TPPP: variants seen among roughly 807,000 people sequenced by gnomAD.
TPPP encodes the protein tubulin polymerization promoting protein.
Under a neutral mutation model 15.5 loss-of-function variants are expected in TPPP, and 6 were observed. The observed-to-expected ratio is 0.39, with a 90% CI of 0.21 to 0.77. TPPP has a LOEUF of 0.77. Among genes scored for constraint, TPPP ranks in the 30% least tolerant of loss-of-function variants. The pLI is 0.42. For synonymous variants in TPPP, 146 were observed against 133.9 expected (o/e 1.09, Z -0.63); for missense variants, 269 against 307.2 (o/e 0.88, Z 0.93).
rs746458248 is a variant in TPPP, at chr5:665,285, C to T, written c.477G>A (p.Ser159=). The change falls in exon 4 of 4, where the codon TCG becomes TCA. Residue 159 remains serine (S), a synonymous_variant. Transcript: ENST00000360578. ...CCGTGAGCCTCGACACTGTGGGCGA[C>T]GAGATGGCTTTCTGCAAGAGGAGCA... ...PIISGVTKAI[S]SPTVSRLTDT... 15 of 1,612,724 alleles carry T rather than the reference C, an allele frequency of 9.3e-6. No individual in the cohort carries two copies. Among genetic ancestry groups the T allele is most frequent in the South Asian group, 3.3e-5 (3 of 91,006 alleles).
At chr5:683,868 C>T (rs1421487909) in intron 1 of TPPP, among the ~76,000 whole-genome samples, 5 of 152,256 alleles carry the variant, frequency 3.3e-5, no homozygotes, top group South Asian at 2.1e-4. Flanking sequence ...GATTCCCCTG[C>T]GGATACCCCG....
rs1170914193 is a variant in TPPP at position 662,726 on chromosome 5, AG to A, written c.*2375del. On this transcript the variant is annotated 3_prime_UTR_variant, in exon 4 of 4. Transcript: ENST00000360578. ...AGGAGGGCAGGAGTCCGAGGGTGTA[AG>A]GGTGCCAGGGCCTTCCGGGTCTCAG... 1 of 152,554 alleles carries A rather than the reference AG, an allele frequency of 6.6e-6. No homozygotes were observed. The highest frequency in any genetic ancestry group is 1.5e-5 in the Non-Finnish European group (1 of 68,166). The allele number at this position is 152,554 out of a possible 1,614,324, so 9.5% of individuals were successfully genotyped here.
intron 3 of TPPP, 51 bp downstream of exon 3, chr5:665,919 G>GCC (rs773706891): frequency 1.5e-5 from 5 of 344,040 alleles, no homozygotes; most frequent in Non-Finnish European, 2.0e-5. Context: ...CACCTTCCAG[G>GCC]CCCCGCCCCC....
intron 3 of TPPP, among the ~76,000 whole-genome samples, 187 bp downstream of exon 3, chr5:665,783 C>G (rs866612327): frequency 8.7e-5 from 13 of 150,082 alleles, no homozygotes; most frequent in African/African-American, 3.0e-4. Context: ...CATTCATGCC[C>G]CTTCTGACCA....
chr5:669,077 G>C (rs944587330), intron 2 of TPPP, among the ~76,000 whole-genome samples: 3 of 152,190 alleles, frequency 2.0e-5, no homozygotes, highest in Admixed American at 2.0e-4. Flanking sequence ...CCAAGTGCTC[G>C]GGGTCCCACA....
intron 2 of TPPP, among the ~76,000 whole-genome samples, chr5:675,462 ACAG>A (rs1489853126): frequency 0.28 from 9,852 of 35,152 alleles, 779 homozygotes; most frequent in Middle Eastern, 0.44. Context: ...GGGGTGCAGC[ACAG>A]GGGGTGCAGT....
chr5:683,235 G>A (rs929431970), intron 1 of TPPP, among the ~76,000 whole-genome samples: 27 of 152,106 alleles, frequency 1.8e-4, no homozygotes, highest in African/African-American at 6.5e-4. Context: ...CATCTCCCTC[G>A]CACCCGATGG....
chr5:669,476 C>T (rs1475866146), intron 2 of TPPP, among the ~76,000 whole-genome samples: 1 of 152,148 alleles, frequency 6.6e-6, no homozygotes, highest in Non-Finnish European at 1.5e-5. Context: ...TGTTGACTCT[C>T]TGGGGCCCTT....
At chr5:669,875 C>G (rs978453820) in intron 2 of TPPP, among the ~76,000 whole-genome samples, 15 of 152,178 alleles carry the variant, frequency 9.9e-5, no homozygotes, top group Admixed American at 1.3e-4. Context: ...GACACTCAGT[C>G]TGGCTGCCCG....
intron 2 of TPPP, among the ~76,000 whole-genome samples, chr5:668,175 A>C (rs1376707001): frequency 8.0e-6 from 1 of 124,374 alleles, no homozygotes; most frequent in African/African-American, 3.0e-5. Flanking sequence ...GCACACGGAG[A>C]GGGGTCCGCG....
intron 1 of TPPP, among the ~76,000 whole-genome samples, chr5:685,135 A>G (rs905356945): frequency 6.6e-5 from 10 of 152,240 alleles, no homozygotes; most frequent in African/African-American, 2.4e-4. Flanking sequence ...TCACTGGTCC[A>G]GAGGTCATCA....
rs1253368904 is a variant in TPPP at position 664,877 on chromosome 5, A to T, written c.*225T>A. 1.7e-6 allele frequency: 1 copy of T among 575,552 alleles called. No homozygotes were observed. The allele number at this position is 575,552 out of a possible 1,614,324, so 35.7% of individuals were successfully genotyped here. A position where few individuals can be genotyped will look rare whatever the true frequency, so the allele number is the denominator to read the frequency against. ...TGGCTGAGGACGAGGCAGGTGTATT[A>T]GGAGGGTCAGCGAACTGGGGCCCAA... is the stretch of plus-strand genomic sequence containing the variant. On this transcript the variant is annotated 3_prime_UTR_variant, in exon 4 of 4. Coordinates refer to ENST00000360578, the MANE Select transcript of TPPP (RefSeq NM_007030.3).
Position 664,943 on chromosome 5 carries a change from G to T in TPPP, c.*159C>A, listed in dbSNP as rs1040137467. On this transcript the variant is annotated 3_prime_UTR_variant, in exon 4 of 4. Transcript: ENST00000360578. ...GGAGTGCTGGGGGCATCCGGTAGGA[G>T]GAGGGGCAGGAGGGAGGCCTGGGCC... The T allele has an allele frequency of 1.3e-5, 10 of 768,138 alleles. No individual in the cohort carries two copies. Among genetic ancestry groups the T allele is most frequent in the African/African-American group, 1.8e-5 (1 of 57,048 alleles). 47.6% of individuals were successfully genotyped at this position (768,138 alleles called of 1,614,324 possible). A position where few individuals can be genotyped will look rare whatever the true frequency, so the allele number is the denominator to read the frequency against.
At chr5:677,589 G>A (rs866384908) in intron 2 of TPPP, among the ~76,000 whole-genome samples, 161 bp downstream of exon 2, 33 of 152,088 alleles carry the variant, frequency 2.2e-4, no homozygotes, top group Middle Eastern at 6.8e-3. Flanking sequence ...CAGATGGCAC[G>A]TTCAGGCTCC....
the TPPP span, among the ~76,000 whole-genome samples, chr5:698,589 T>A: frequency 6.6e-6 from 1 of 151,888 alleles, no homozygotes; most frequent in Non-Finnish European, 1.5e-5. Context: ...GAAAGCCAAG[T>A]GAAAGGGGTT....
intron 2 of TPPP, among the ~76,000 whole-genome samples, chr5:671,735 C>T (rs920701549): frequency 2.0e-4 from 30 of 152,246 alleles, no homozygotes; most frequent in Non-Finnish European, 2.8e-4. Flanking sequence ...GCGGAAGCCA[C>T]GTTCATCCTG....
At chr5:677,249 TGG>T (rs1740482183) in intron 2 of TPPP, among the ~76,000 whole-genome samples, 1 of 152,112 alleles carries the variant, frequency 6.6e-6, no homozygotes, top group Non-Finnish European at 1.5e-5. Context: ...GCTCCATGCA[TGG>T]GGACACAAGC....
At chr5:691,670 A>C (rs1418844838) in intron 1 of TPPP, among the ~76,000 whole-genome samples, 1 of 11,402 alleles carries the variant, frequency 8.8e-5, no homozygotes, top group Non-Finnish European at 1.4e-4. Flanking sequence ...AGCAGCCCCC[A>C]AATACCCATC....
In TPPP at chr5:684,445, G is replaced by C. The variant is rs1320843720; in HGVS notation, c.-4-6381C>G. On this transcript the variant is annotated intron_variant, in intron 1 of 3. Coordinates refer to ENST00000360578, the MANE Select transcript of TPPP (RefSeq NM_007030.3). The stretch of plus-strand genomic sequence containing the variant: ...TTCAGCCTGGACAGCTCTCGGCGCT[G>C]GAGACCCAGAGGACAAGGGGACAGC... Among the ~76,000 whole-genome samples the C allele has an allele frequency of 1.2e-3, 187 of 151,904 alleles. 1 individual carries two copies. The highest frequency in any genetic ancestry group is 4.3e-3 in the African/African-American group (177 of 41,188).
Sources: gnomAD v4.1 joint callset for allele counts (sites outside exome capture counted in the v4.1 genomes callset) on GRCh38, gnomAD v4.1.1 for gene constraint, MANE v1.5 for transcripts, NCBI Gene and HGNC (gene_info 2026-07-23, HGNC 2026-07-21) for gene names.